Variants in SLC41A3 observed in about 807,000 individuals in gnomAD.
SLC41A3 encodes the protein SLC41A1-like 2.
In SLC41A3, 44 loss-of-function variants were observed where a neutral mutation model predicts 45.4. The ratio of observed to expected loss-of-function variants is 0.97; its 90% confidence interval spans 0.76 to 1.25. SLC41A3 has a LOEUF of 1.25. SLC41A3 is among the 50% of genes most tolerant of loss of function. The probability of loss-of-function intolerance (pLI) is 0.00; values close to 1 mark genes in which losing one functional copy is unlikely to be tolerated. For missense variants in SLC41A3, 550 were observed against 600.6 expected (o/e 0.92, Z 0.88); for synonymous variants, 256 against 252.4 (o/e 1.01, Z -0.13).
chr3:126,058,119 C>T (rs904354355), intron 2 of SLC41A3: 1 of 152,292 alleles, frequency 6.6e-6, no homozygotes, highest in African/African-American at 2.4e-5. Flanking sequence ...ATGAGTGGGC[C>T]GTCTTGGGCT....
chr3:126,046,821 G>A, intron 3 of SLC41A3, among the ~76,000 whole-genome samples: 1 of 151,980 alleles, frequency 6.6e-6, no homozygotes, highest in East Asian at 1.9e-4. Context: ...AATTAGCCAG[G>A]CATGGTGGCA....
At chr3:126,035,550 G>A (rs1161039742) in intron 3 of SLC41A3, among the ~76,000 whole-genome samples, 2 of 152,346 alleles carry the variant, frequency 1.3e-5, no homozygotes, top group African/African-American at 2.4e-5. Flanking sequence ...CGAAATCAAC[G>A]CTGAACACTA....
At chr3:126,030,704 T>C (rs923113686) in intron 4 of SLC41A3, among the ~76,000 whole-genome samples, 3 of 151,950 alleles carry the variant, frequency 2.0e-5, no homozygotes, top group South Asian at 2.1e-4. Flanking sequence ...AATGGATGAG[T>C]AGACAGGTAG....
chr3:126,057,581 G>A (rs535886958), intron 2 of SLC41A3, among the ~76,000 whole-genome samples: 60 of 152,214 alleles, frequency 3.9e-4, no homozygotes, highest in Non-Finnish European at 5.1e-4. Flanking sequence ...CTAAACTGTC[G>A]CCCTAGTGGG....
intron 2 of SLC41A3, among the ~76,000 whole-genome samples, chr3:126,052,128 C>T (rs1943374775): frequency 6.6e-6 from 1 of 152,170 alleles, no homozygotes; most frequent in South Asian, 2.1e-4. Context: ...GAATCCAGTT[C>T]CAGCTCTGAT....
intron 2 of SLC41A3, among the ~76,000 whole-genome samples, chr3:126,066,197 C>T (rs541235199): frequency 1.3e-5 from 2 of 152,270 alleles, no homozygotes; most frequent in South Asian, 2.1e-4. Flanking sequence ...ATGGAGATGT[C>T]CACATGGAGA....
chr3:126,049,598 C>T (rs1943191956), intron 3 of SLC41A3, among the ~76,000 whole-genome samples: 1 of 152,192 alleles, frequency 6.6e-6, no homozygotes, highest in Non-Finnish European at 1.5e-5. Flanking sequence ...ATTGTGCACA[C>T]ACGTATGCAT....
intron 6 of SLC41A3, 60 bp downstream of exon 6, chr3:126,022,726 C>G (rs1432117948): frequency 6.2e-7 from 1 of 1,600,588 alleles, no homozygotes; most frequent in Non-Finnish European, 8.5e-7. Flanking sequence ...TCAGTGGTGA[C>G]CTGCTCCAGG....
At chr3:126,099,656 C>T (rs113712827) in intron 1 of SLC41A3, among the ~76,000 whole-genome samples, 164 of 152,008 alleles carry the variant, frequency 1.1e-3, no homozygotes, top group African/African-American at 3.8e-3. Flanking sequence ...GCTGAGATTG[C>T]GCCACTACAC....
At chr3:126,014,398 G>A (rs1235803292) in intron 8 of SLC41A3, among the ~76,000 whole-genome samples, 4 of 152,192 alleles carry the variant, frequency 2.6e-5, no homozygotes. Flanking sequence ...ACTACTGGCT[G>A]GAGCTGGACA....
chr3:126,060,534 T>G (rs1024843639), intron 2 of SLC41A3, among the ~76,000 whole-genome samples: 10 of 152,174 alleles, frequency 6.6e-5, no homozygotes, highest in South Asian at 2.1e-4. Context: ...GGTGGTGGGT[T>G]CATAAGTAAT....
chr3:126,064,784 T>A (rs1944265884), intron 2 of SLC41A3, among the ~76,000 whole-genome samples: 1 of 152,184 alleles, frequency 6.6e-6, no homozygotes, highest in South Asian at 2.1e-4. Flanking sequence ...CTCATCCCAG[T>A]CCACCCACAG....
At chr3:126,023,179 T>C in intron 5 of SLC41A3, 2 of 513,952 alleles carry the variant, frequency 3.9e-6, no homozygotes, top group Non-Finnish European at 7.0e-6. Flanking sequence ...TTGTGACCTG[T>C]GCACATGATG....
intron 1 of SLC41A3, among the ~76,000 whole-genome samples, chr3:126,079,247 C>CACACACA (rs1491429929): frequency 1.4e-5 from 2 of 147,946 alleles, no homozygotes; most frequent in African/African-American, 5.0e-5. Flanking sequence ...CACCCACACA[C>CACACACA]GATCAGGGAT....
intron 1 of SLC41A3, among the ~76,000 whole-genome samples, chr3:126,097,325 C>T (rs1046136458): frequency 1.3e-5 from 2 of 152,180 alleles, no homozygotes; most frequent in Admixed American, 6.5e-5. Flanking sequence ...GAAGTTGCTT[C>T]TCCCTGGGGC....
At chr3:126,040,182 T>C (rs969536251) in intron 3 of SLC41A3, among the ~76,000 whole-genome samples, 14 of 152,202 alleles carry the variant, frequency 9.2e-5, no homozygotes, top group African/African-American at 2.9e-4. Context: ...CTCAAGAATA[T>C]AGTAACTATC....
intron 8 of SLC41A3, among the ~76,000 whole-genome samples, chr3:126,014,272 G>GA (rs1051845406): frequency 1.7e-4 from 26 of 151,120 alleles, no homozygotes; most frequent in Admixed American, 3.3e-4. Flanking sequence ...AAAGAAAAAG[G>GA]AAAAAAAAAC....
chr3:126,067,854 C>A (rs546806461), intron 2 of SLC41A3, 93 bp downstream of exon 2: 1 of 1,467,116 alleles, frequency 6.8e-7, no homozygotes, highest in Non-Finnish European at 9.1e-7. Context: ...GACTGCCCGA[C>A]AACCTTTAAG....
At chr3:126,093,714 T>C (rs1377509836) in intron 1 of SLC41A3, among the ~76,000 whole-genome samples, 2 of 152,220 alleles carry the variant, frequency 1.3e-5, no homozygotes, top group African/African-American at 4.8e-5. Context: ...GGAGAGCACA[T>C]AGCACAGCTC....
Sources: gnomAD v4.1 joint callset for allele counts (sites outside exome capture counted in the v4.1 genomes callset) on GRCh38, gnomAD v4.1.1 for gene constraint, MANE v1.5 for transcripts, NCBI Gene and HGNC (gene_info 2026-07-23, HGNC 2026-07-21) for gene names.